DDX50: variants seen among roughly 807,000 people sequenced by gnomAD.
The protein encoded by DDX50 is DExD-box helicase 50, also known as ATP-dependent RNA helicase DDX50.
In DDX50, 56 loss-of-function variants were observed where a neutral mutation model predicts 94.8. That is an observed-to-expected ratio of 0.59 (90% confidence interval 0.48 to 0.74). DDX50 has a LOEUF of 0.74. Among genes scored for constraint, DDX50 ranks in the 30% least tolerant of loss-of-function variants. DDX50 has a pLI of 0.00. For missense variants in DDX50, 713 were observed against 881.2 expected (o/e 0.81, Z 2.42); for synonymous variants, 264 against 295.4 (o/e 0.89, Z 1.09).
chr10:68,910,315 A>G lies in DDX50; in HGVS notation c.393A>G (p.Thr131=). 1 of 1,606,964 alleles carries G rather than the reference A, an allele frequency of 6.2e-7. No individual in the cohort carries two copies. The highest frequency in any genetic ancestry group is 8.5e-7 in the Non-Finnish European group (1 of 1,177,920). ...SSDNKLEETL[T]REQKEGAFSN... is the part of the protein sequence containing the mutation. ...TGATTTCATTTTTACAGACCTTAACACGTGAACAGAAAGAAGGAGCCTTCT... is the reference window on the plus strand; with the variant it reads ...TGATTTCATTTTTACAGACCTTAACGCGTGAACAGAAAGAAGGAGCCTTCT... The change falls in exon 3 of 15, where the codon ACA becomes ACG. Residue 131 remains threonine (T), a synonymous_variant. Coordinates refer to ENST00000373585, the MANE Select transcript of DDX50 (RefSeq NM_024045.2).
intron 10 of DDX50, among the ~76,000 whole-genome samples, chr10:68,935,427 T>G (rs1345280335): frequency 3.4e-5 from 5 of 144,942 alleles, no homozygotes; most frequent in African/African-American, 5.3e-5. Flanking sequence ...TTTTGTTTTG[T>G]TTTTTTTTCA....
intron 4 of DDX50, chr10:68,911,581 A>G: frequency 5.9e-6 from 1 of 169,106 alleles, no homozygotes; most frequent in Non-Finnish European, 1.3e-5. Context: ...TGAATTTTCT[A>G]AAGAGGTGTT....
intron 8 of DDX50, among the ~76,000 whole-genome samples, chr10:68,928,787 G>T (rs1463719594): frequency 1.3e-5 from 2 of 152,076 alleles, no homozygotes; most frequent in Non-Finnish European, 1.5e-5. Flanking sequence ...TACCCACTCT[G>T]TCTCCAGCAT....
chr10:68,904,101 G>C (rs1189659488), intron 1 of DDX50, among the ~76,000 whole-genome samples: 1 of 150,732 alleles, frequency 6.6e-6, no homozygotes, highest in Non-Finnish European at 1.5e-5. Flanking sequence ...CCAAGATCAC[G>C]TCATTGCACA....
intron 11 of DDX50, 141 bp from the exon 12 acceptor site, chr10:68,936,795 C>A: frequency 2.8e-6 from 2 of 724,288 alleles, no homozygotes; most frequent in Non-Finnish European, 4.2e-6. Flanking sequence ...GAGCCAAGAT[C>A]GTGCCAGTGC....
At chr10:68,940,509 TC>T (rs1842531121) in intron 12 of DDX50, among the ~76,000 whole-genome samples, 2 of 151,956 alleles carry the variant, frequency 1.3e-5, no homozygotes, top group Admixed American at 1.3e-4. Flanking sequence ...AACCTCTGCC[TC>T]CTGGGCTCCT....
intron 14 of DDX50, 63 bp from the exon 15 acceptor site, chr10:68,946,289 T>C (rs981752075): frequency 8.5e-6 from 13 of 1,526,140 alleles, no homozygotes; most frequent in Non-Finnish European, 9.7e-6. Flanking sequence ...CTTCTTGTAC[T>C]TAACATGTTT....
intron 8 of DDX50, among the ~76,000 whole-genome samples, chr10:68,921,985 A>G (rs909791398): frequency 2.6e-5 from 4 of 152,160 alleles, no homozygotes; most frequent in Non-Finnish European, 5.9e-5. Flanking sequence ...CGCAGTGTAC[A>G]CTTTCAATTT....
chr10:68,919,206 A>G (rs1240771606), intron 7 of DDX50, among the ~76,000 whole-genome samples: 1 of 152,226 alleles, frequency 6.6e-6, no homozygotes, highest in Non-Finnish European at 1.5e-5. Context: ...ATGACTGTAA[A>G]TGTAATCATA....
chr10:68,909,601 C>CATAAT (rs963133311), intron 2 of DDX50, among the ~76,000 whole-genome samples: 6 of 151,762 alleles, frequency 4.0e-5, no homozygotes, highest in African/African-American at 1.5e-4. Context: ...TTTGGCTGGG[C>CATAAT]ATAATGGCTT....
chr10:68,943,545 G>A (rs1175244172), intron 14 of DDX50, among the ~76,000 whole-genome samples: 1 of 151,882 alleles, frequency 6.6e-6, no homozygotes, highest in Non-Finnish European at 1.5e-5. Flanking sequence ...TACAAGGCGT[G>A]TGCCACTATG....
intron 8 of DDX50, among the ~76,000 whole-genome samples, chr10:68,923,387 T>C (rs1163478331): frequency 1.3e-5 from 2 of 150,678 alleles, no homozygotes; most frequent in Non-Finnish European, 3.0e-5. Flanking sequence ...AGTTTCATTT[T>C]TGTAGAGATG....
At chr10:68,930,987 C>G (rs146232245) in intron 8 of DDX50, among the ~76,000 whole-genome samples, 1 of 152,216 alleles carries the variant, frequency 6.6e-6, no homozygotes, top group Non-Finnish European at 1.5e-5. Context: ...CCTAGCAACT[C>G]CTACTCATCC....
chr10:68,916,041 G>C (rs1258430466), intron 7 of DDX50, among the ~76,000 whole-genome samples: 12 of 152,108 alleles, frequency 7.9e-5, no homozygotes, highest in African/African-American at 2.9e-4. Flanking sequence ...CTTCTGGGAA[G>C]GGGCATGCTG....
rs751546108 is a variant in DDX50, at chr10:68,901,334, C to A, written c.-51C>A. The stretch of plus-strand genomic sequence containing the variant: ...CCGCTTCCTTTCACGCTGTCGCTGC[C>A]CGTAGGTGGTTGTGGCCACTGTGCC... On this transcript the variant is annotated 5_prime_UTR_variant, in exon 1 of 15. Transcript: ENST00000373585. The A allele has an allele frequency of 5.4e-6, 8 of 1,480,934 alleles. No individual in the cohort carries two copies. Among genetic ancestry groups the A allele is most frequent in the South Asian group, 3.9e-5 (3 of 77,640 alleles). 91.7% of individuals were successfully genotyped at this position (1,480,934 alleles called of 1,614,324 possible).
chr10:68,920,390 T>A (rs1459847243), intron 8 of DDX50, among the ~76,000 whole-genome samples: 1 of 152,106 alleles, frequency 6.6e-6, no homozygotes, highest in East Asian at 1.9e-4. Flanking sequence ...CTTGAACTCC[T>A]GGGCTCAAGC....
intron 7 of DDX50, among the ~76,000 whole-genome samples, chr10:68,914,622 C>G (rs1016055136): frequency 1.3e-5 from 2 of 152,112 alleles, no homozygotes; most frequent in African/African-American, 4.8e-5. Flanking sequence ...TTCCCCCAAA[C>G]CAAAAAAATT....
rs139550056 is a variant in DDX50, at chr10:68,923,801, C to T, written c.1239+3820C>T. On this transcript the variant is annotated intron_variant, in intron 8 of 14. Coordinates refer to ENST00000373585, the MANE Select transcript of DDX50 (RefSeq NM_024045.2). ...TCAAGTGATCGTTTTGCCTCGGCTT[C>T]CCAAAGTGCTGGGATTATAGACGTG... 5.7e-3 allele frequency among the ~76,000 whole-genome samples: 868 copies of T among 151,856 alleles called. 9 individuals carry two copies. Among genetic ancestry groups the T allele is most frequent in the African/African-American group, 0.02 (832 of 41,408 alleles).
chr10:68,911,338 T>C, intron 4 of DDX50, 92 bp downstream of exon 4: 1 of 1,336,598 alleles, frequency 7.5e-7, no homozygotes, highest in African/African-American at 1.5e-5. Context: ...ACCCCCAAAA[T>C]AGAAAAGTTA....
Sources: gnomAD v4.1 joint callset for allele counts (sites outside exome capture counted in the v4.1 genomes callset) on GRCh38, gnomAD v4.1.1 for gene constraint, MANE v1.5 for transcripts, NCBI Gene and HGNC (gene_info 2026-07-23, HGNC 2026-07-21) for gene names.